The following VWDE variants were observed in gnomAD, a reference collection of about 807,000 sequenced individuals.
VWDE encodes von Willebrand factor D and EGF domains.
VWDE carries 207 observed loss-of-function variants against 178.4 expected under a neutral mutation model. The ratio of observed to expected loss-of-function variants is 1.16; its 90% CI spans 1.04 to 1.30. The LOEUF (loss-of-function observed/expected upper bound fraction) is 1.30, where lower values mean the gene tolerates loss of function less well. VWDE is among the 50% of genes most tolerant of loss of function. VWDE has a pLI of 0.00. For missense variants in VWDE, 2,287 were observed against 1,901.3 expected (o/e 1.20, Z -3.77); for synonymous variants, 738 against 651.4 (o/e 1.13, Z -2.02).
chr7:12,369,463 T>G (rs1783033056), intron 12 of VWDE, 82 bp downstream of exon 12: 1 of 1,419,278 alleles, frequency 7.0e-7, no homozygotes, highest in Non-Finnish European at 9.3e-7. Flanking sequence ...ACTGTTAGGA[T>G]ACTGAGGGTG....
chr7:12,362,198 A>G (rs917341265), intron 13 of VWDE, among the ~76,000 whole-genome samples: 4 of 143,916 alleles, frequency 2.8e-5, no homozygotes, highest in Non-Finnish European at 6.0e-5. Context: ...GCCCACAAAC[A>G]AAAGCCAAAT....
chr7:12,382,615 T>A (rs972239884), intron 4 of VWDE, among the ~76,000 whole-genome samples: 2 of 151,948 alleles, frequency 1.3e-5, no homozygotes, highest in African/African-American at 4.8e-5. Flanking sequence ...CTGATTTATT[T>A]TATGTATTTA....
At chr7:12,388,659 C>A in intron 3 of VWDE, 1 of 208,770 alleles carries the variant, frequency 4.8e-6, no homozygotes, top group East Asian at 1.2e-4. Context: ...ATGTAAGTTT[C>A]ATGAAGGCAG....
rs547009701 is a variant in VWDE at position 12,396,109 on chromosome 7, G to T, written c.59-2331C>A. Among the ~76,000 whole-genome samples, 39 of 152,234 alleles carry T rather than the reference G, an allele frequency of 2.6e-4. No homozygotes were observed. In the South Asian group the frequency reaches 7.9e-3, roughly 31 times the overall value. On this transcript the variant is annotated intron_variant, in intron 1 of 28. Transcript: ENST00000275358. ...TACTTGAATTTCATATACTTTGGAA[G>T]AATGTGTCAAGTTAGAAATAATAGA...
intron 10 of VWDE, among the ~76,000 whole-genome samples, chr7:12,372,577 G>A (rs1003398953): frequency 4.0e-5 from 6 of 151,838 alleles, no homozygotes; most frequent in Non-Finnish European, 8.8e-5. Context: ...TATAATCTTA[G>A]GTTTGTTTCC....
intron 1 of VWDE, among the ~76,000 whole-genome samples, chr7:12,394,973 A>G (rs2128563182): frequency 6.6e-6 from 1 of 152,312 alleles, no homozygotes; most frequent in Non-Finnish European, 1.5e-5. Context: ...TAGCCTACGA[A>G]AAATAAGTCA....
chr7:12,377,572 T>C (rs1458171997), intron 7 of VWDE: 1 of 374,914 alleles, frequency 2.7e-6, no homozygotes, highest in Non-Finnish European at 4.7e-6. Context: ...TTAAAATGTA[T>C]GCTTTCAGCC....
chr7:12,341,202 G>C (rs1781310999), intron 23 of VWDE, among the ~76,000 whole-genome samples: 1 of 151,978 alleles, frequency 6.6e-6, no homozygotes, highest in African/African-American at 2.4e-5. Context: ...AAATCAAGTG[G>C]ATCCTTGTTT....
intron 6 of VWDE, among the ~76,000 whole-genome samples, chr7:12,379,097 C>A (rs548294615): frequency 1.3e-5 from 2 of 152,284 alleles, no homozygotes; most frequent in Admixed American, 1.3e-4. Flanking sequence ...AAACTCATAG[C>A]TCTGGGTCAA....
At position 12,402,159 on chromosome 7, in the gene VWDE, C is replaced by T. The variant is rs545746018; in HGVS notation, c.58+1500G>A. 4.6e-5 allele frequency among the ~76,000 whole-genome samples: 7 copies of T among 152,226 alleles called. No homozygotes were observed. In the East Asian group the frequency reaches 1.4e-3, roughly 29 times the overall value. On this transcript the variant is annotated intron_variant, in intron 1 of 28. Coordinates refer to ENST00000275358, the MANE Select transcript of VWDE (RefSeq NM_001135924.3). ...CTGGGGAGAAAGGGAGGGTGATAGCCGGCATGCGGCATGATAGCCCAGGGT... is the reference window on the plus strand; with the variant it reads ...CTGGGGAGAAAGGGAGGGTGATAGCTGGCATGCGGCATGATAGCCCAGGGT...
chr7:12,356,331 C>T lies in VWDE; in HGVS notation c.3526-1G>A. On this transcript the variant is annotated splice_acceptor_variant, in intron 17 of 28. Transcript: ENST00000275358. LOFTEE classifies it high-confidence loss of function. Reference sequence around the variant, plus strand: ...AGCAATCACAAGACTTCACAGTCACCTACAAAACAAAAAAAAAGGAAATGT... The same window carrying T: ...AGCAATCACAAGACTTCACAGTCACTTACAAAACAAAAAAAAAGGAAATGT... The T allele has an allele frequency of 6.5e-7, 1 of 1,544,218 alleles. No homozygotes were observed. Among genetic ancestry groups the T allele is most frequent in the Admixed American group, 2.0e-5 (1 of 49,376 alleles).
In VWDE at chr7:12,403,736, G is replaced by C; in HGVS notation, c.-20C>G. The C allele has an allele frequency of 5.2e-6, 8 of 1,550,292 alleles. No homozygotes were observed. The South Asian group carries it at 9.5e-5, about 18-fold the overall frequency. On this transcript the variant is annotated 5_prime_UTR_variant, in exon 1 of 29. Transcript: ENST00000275358. ...AGGCATCGCTGCTTCCGCAGGTGGGGCGAAAGGCGTCGCAGAGCCCGGGCC... is the reference window on the plus strand; with the variant it reads ...AGGCATCGCTGCTTCCGCAGGTGGGCCGAAAGGCGTCGCAGAGCCCGGGCC...
intron 1 of VWDE, among the ~76,000 whole-genome samples, chr7:12,400,658 CA>C: frequency 6.6e-6 from 1 of 151,852 alleles, no homozygotes; most frequent in South Asian, 2.1e-4. Flanking sequence ...CAAACACTTT[CA>C]AAAAATAGAA....
In VWDE at chr7:12,367,495, T is replaced by G. The variant is rs565218786; in HGVS notation, c.2762-2A>C. 2.0e-4 allele frequency: 304 copies of G among 1,491,592 alleles called. 3 individuals carry two copies. In the South Asian group the frequency reaches 3.6e-3, roughly 18 times the overall value. The allele number at this position is 1,491,592 out of a possible 1,614,324, so 92.4% of individuals were successfully genotyped here. A position where few individuals can be genotyped will look rare whatever the true frequency, so the allele number is the denominator to read the frequency against. On this transcript the variant is annotated splice_acceptor_variant, in intron 12 of 28. Transcript: ENST00000275358. LOFTEE classifies it high-confidence loss of function. ...GCTCTGTAATTTCAGGAGCTTTGTC[T>G]TTGGAAAAAAAATATAACAAATACT...
chr7:12,361,038 ATT>A (rs1375517179), intron 15 of VWDE, 107 bp downstream of exon 15: 2 of 625,890 alleles, frequency 3.2e-6, no homozygotes, highest in Non-Finnish European at 5.2e-6. Context: ...GCTTTTCTCT[ATT>A]AGTTTTTCTG....
chr7:12,361,466 T>G lies in VWDE; in HGVS notation c.2954A>C (p.His985Pro). Residue 985 changes from histidine to proline, a missense_variant, in exon 14 of 29, where the codon CAC (histidine) becomes CCC (proline). By Grantham distance (77) the His-to-Pro change is moderately conservative. Transcript: ENST00000275358. ...GEPIYTQTVF[H>P]NSRAVDCQLP... ...CTGACAATCAACAGCTCTGCTATTG[T>G]GGAAAACAGTCTGTGTATAGATGGG... The G allele has an allele frequency of 6.4e-7, 1 of 1,551,244 alleles. No individual in the cohort carries two copies. The highest frequency in any genetic ancestry group is 1.2e-5 in the South Asian group (1 of 84,036).
At chr7:12,382,993 T>C (rs1477462342) in intron 4 of VWDE, among the ~76,000 whole-genome samples, 1 of 151,948 alleles carries the variant, frequency 6.6e-6, no homozygotes, top group Non-Finnish European at 1.5e-5. Flanking sequence ...AAGATTTATT[T>C]GACATAAATA....
intron 1 of VWDE, among the ~76,000 whole-genome samples, chr7:12,395,524 G>A (rs949604262): frequency 1.2e-4 from 19 of 152,014 alleles, no homozygotes; most frequent in East Asian, 3.9e-4. Flanking sequence ...ATACAAAGCC[G>A]AAAATGTAAG....
intron 8 of VWDE, 34 bp from the exon 9 acceptor site, chr7:12,374,796 C>A: frequency 7.4e-7 from 1 of 1,350,806 alleles, no homozygotes; most frequent in Non-Finnish European, 1.0e-6. Flanking sequence ...TAAATATTAC[C>A]ATTAATTATA....
Sources: allele counts gnomAD v4.1 joint callset (sites outside exome capture counted in the v4.1 genomes callset), GRCh38; gene constraint gnomAD v4.1.1; transcripts MANE v1.5; gene names NCBI Gene and HGNC (gene_info 2026-07-23, HGNC 2026-07-21).